Variants in KANK1 observed in about 807,000 individuals in gnomAD.
KANK1 encodes KN motif and ankyrin repeat domains 1, also known as KN motif and ankyrin repeat domain-containing protein 1.
A neutral mutation model predicts 106.2 loss-of-function variants in KANK1; 109 were observed. The observed-to-expected ratio is 1.03, with a 90% CI of 0.88 to 1.20. The LOEUF (loss-of-function observed/expected upper bound fraction) is 1.20, where lower values mean the gene tolerates loss of function less well. Among genes scored for constraint, KANK1 ranks in the 50% most tolerant of loss-of-function variants. The pLI is 0.00. For missense variants in KANK1, 2,399 were observed against 1,710.7 expected (o/e 1.40, Z -7.10); for synonymous variants, 873 against 652.2 (o/e 1.34, Z -5.16).
intron 1 of KANK1, among the ~76,000 whole-genome samples, chr9:561,180 C>T (rs1175232154): frequency 6.6e-6 from 1 of 152,114 alleles, no homozygotes; most frequent in Non-Finnish European, 1.5e-5. Context: ...TAATTCTCAA[C>T]TTCAGGGGGG....
At chr9:657,225 A>C (rs754156900) in intron 1 of KANK1, among the ~76,000 whole-genome samples, 2 of 152,196 alleles carry the variant, frequency 1.3e-5, no homozygotes, top group Non-Finnish European at 1.5e-5. Context: ...TAGGCTAGAT[A>C]ATAGTCCATT....
chr9:508,607 A>G (rs2058885579), intron 1 of KANK1, among the ~76,000 whole-genome samples: 1 of 146,116 alleles, frequency 6.8e-6, no homozygotes, highest in African/African-American at 2.8e-5. Flanking sequence ...CCAACTGTGG[A>G]TTAGTTTTAT....
intron 1 of KANK1, among the ~76,000 whole-genome samples, chr9:556,543 A>G (rs899547183): frequency 6.6e-6 from 1 of 152,208 alleles, no homozygotes; most frequent in Non-Finnish European, 1.5e-5. Context: ...ATTAGATACA[A>G]TGACTATGCG....
chr9:734,522 TG>T (rs1160378959), intron 6 of KANK1: 4 of 388,300 alleles, frequency 1.0e-5, no homozygotes, highest in South Asian at 8.5e-5. Context: ...AAAAATTAGC[TG>T]GGCCTGGTGG....
At chr9:577,504 C>G (rs1265323359) in intron 1 of KANK1, among the ~76,000 whole-genome samples, 2 of 152,190 alleles carry the variant, frequency 1.3e-5, no homozygotes, top group Non-Finnish European at 2.9e-5. Flanking sequence ...GTTTACAATC[C>G]TTTAACTAGA....
rs111946917 is a variant in KANK1, at chr9:626,794, T to C, written c.-83-50096T>C. Among the ~76,000 whole-genome samples, 107 of 152,360 alleles carry C rather than the reference T, an allele frequency of 7.0e-4. 1 individual carries two copies. The highest frequency in any genetic ancestry group is 2.4e-3 in the African/African-American group (101 of 41,574). The stretch of plus-strand genomic sequence containing the variant: ...CCTCGGTCTCCCTGAAACTCAGACC[T>C]GCAAAACTAGGATACAAGCTGTAAT... On this transcript the variant is annotated intron_variant, in intron 1 of 11. Transcript: ENST00000382297.
chr9:521,083 G>T lies in KANK1; in HGVS notation c.-84+16329G>T, dbSNP rs56255129. On this transcript the variant is annotated intron_variant, in intron 1 of 11. Transcript: ENST00000382297. ...CTTTCAAAAATGAAACTGATGAACTGTTGCTGATGTTCTTACTAGGAAATT... is the reference window on the plus strand; with the variant it reads ...CTTTCAAAAATGAAACTGATGAACTTTTGCTGATGTTCTTACTAGGAAATT... 1.3e-3 allele frequency among the ~76,000 whole-genome samples: 200 copies of T among 151,836 alleles called. 4 individuals are homozygous for T. The highest frequency in any genetic ancestry group is 4.5e-3 in the African/African-American group (186 of 41,162).
chr9:558,533 G>C (rs1194084300), intron 1 of KANK1, among the ~76,000 whole-genome samples: 1 of 152,166 alleles, frequency 6.6e-6, no homozygotes, highest in Non-Finnish European at 1.5e-5. Flanking sequence ...TCATGGCGAA[G>C]AGCACTGTAT....
intron 1 of KANK1, among the ~76,000 whole-genome samples, chr9:556,389 C>G (rs1458371567): frequency 1.3e-5 from 2 of 152,134 alleles, no homozygotes; most frequent in Non-Finnish European, 2.9e-5. Context: ...GTTGTGCTCT[C>G]CTCTGACTAC....
chr9:647,054 C>T (rs531551004), intron 1 of KANK1, among the ~76,000 whole-genome samples: 1 of 151,044 alleles, frequency 6.6e-6, no homozygotes, highest in Non-Finnish European at 1.5e-5. Context: ...CTTTGAGTTA[C>T]TAGGCCTTCC....
chr9:526,696 C>G (rs568836851), intron 1 of KANK1, among the ~76,000 whole-genome samples: 1 of 151,932 alleles, frequency 6.6e-6, no homozygotes, highest in African/African-American at 2.4e-5. Context: ...CACCTGATTC[C>G]CTCTCCTCAG....
At position 658,617 on chromosome 9, in the gene KANK1, A is replaced by G. The variant is rs906094822; in HGVS notation, c.-83-18273A>G. Among the ~76,000 whole-genome samples the G allele has an allele frequency of 2.0e-5, 3 of 151,080 alleles. No homozygotes were observed. In the South Asian group the frequency reaches 6.3e-4, roughly 31 times the overall value. On this transcript the variant is annotated intron_variant, in intron 1 of 11. Coordinates refer to ENST00000382297, the MANE Select transcript of KANK1 (RefSeq NM_015158.5). ...TCTTAAGTTTTATAGTTTTTTTTTTAATTTTAGATTTAAGATTCATTTGGA... is the reference window on the plus strand; with the variant it reads ...TCTTAAGTTTTATAGTTTTTTTTTTGATTTTAGATTTAAGATTCATTTGGA...
At chr9:513,532 T>C (rs1286428109) in intron 1 of KANK1, among the ~76,000 whole-genome samples, 2 of 152,228 alleles carry the variant, frequency 1.3e-5, no homozygotes, top group Non-Finnish European at 2.9e-5. Flanking sequence ...CCAAGAAACA[T>C]ATAAGAACCT....
intron 2 of KANK1, among the ~76,000 whole-genome samples, chr9:708,434 A>G (rs1824928100): frequency 1.3e-5 from 2 of 152,256 alleles, no homozygotes; most frequent in Non-Finnish European, 2.9e-5. Context: ...TTCTTAGGCT[A>G]GAGCATGACT....
chr9:569,897 T>C (rs1440700892), intron 1 of KANK1, among the ~76,000 whole-genome samples: 1 of 152,142 alleles, frequency 6.6e-6, no homozygotes, highest in Non-Finnish European at 1.5e-5. Flanking sequence ...TTTTCTCTGT[T>C]CTCAACCTTC....
intron 1 of KANK1, among the ~76,000 whole-genome samples, chr9:649,954 G>C (rs1339643515): frequency 6.6e-6 from 1 of 152,156 alleles, no homozygotes; most frequent in East Asian, 1.9e-4. Context: ...GGATTGAAAG[G>C]TTCAAAAGCC....
chr9:551,676 A>C (rs1587734823), intron 1 of KANK1, among the ~76,000 whole-genome samples: 1 of 152,126 alleles, frequency 6.6e-6, no homozygotes, highest in African/African-American at 2.4e-5. Flanking sequence ...TCTTGCCTCC[A>C]CACAGCTTGC....
Position 742,234 on chromosome 9 carries a change from C to A in KANK1, c.3726C>A (p.Val1242=), listed in dbSNP as rs748458542. ...GACAGACGGCCCTCATGCTGGCGGT[C>A]AGTCACGGACGGATAGACATGGTGA... The part of the protein sequence containing the change: ...QAGQTALMLA[V]SHGRIDMVKG... Residue 1242 remains valine, a synonymous_variant, in exon 10 of 12, where the codon GTC becomes GTA. Coordinates refer to ENST00000382297, the MANE Select transcript of KANK1 (RefSeq NM_015158.5). 3 of 1,614,048 alleles carry A rather than the reference C, an allele frequency of 1.9e-6. No homozygotes were observed. The East Asian group carries it at 6.7e-5, about 36-fold the overall frequency.
chr9:563,205 T>C (rs1270252498), intron 1 of KANK1, among the ~76,000 whole-genome samples: 2 of 136,334 alleles, frequency 1.5e-5, no homozygotes, highest in Non-Finnish European at 3.2e-5. Context: ...TTTTTTTTTT[T>C]ACTTACTGAC....
Sources: gnomAD v4.1 joint callset for allele counts (sites outside exome capture counted in the v4.1 genomes callset) on GRCh38, gnomAD v4.1.1 for gene constraint, MANE v1.5 for transcripts, NCBI Gene and HGNC (gene_info 2026-07-23, HGNC 2026-07-21) for gene names.